CASK: variants seen among roughly 807,000 people sequenced by gnomAD.
CASK encodes the protein peripheral plasma membrane protein CASK.
CASK carries 4 observed loss-of-function variants against 82.9 expected under a neutral mutation model. The observed-to-expected ratio is 0.05, with a 90% CI of 0.02 to 0.11. The LOEUF is 0.11. Ranked by LOEUF, CASK falls within the 10% of genes least tolerant of loss-of-function variation. The pLI, the probability that CASK is intolerant of heterozygous loss-of-function variation, is 1.00. For synonymous variants in CASK, 259 were observed against 253.5 expected (o/e 1.02, Z -0.20); for missense variants, 358 against 720.9 (o/e 0.50, Z 5.76).
At chrX:41,833,766 T>G in intron 2 of CASK, among the ~76,000 whole-genome samples, 1 of 111,949 alleles carries the variant, frequency 8.9e-6, no homozygotes, top group African/African-American at 3.2e-5. Flanking sequence ...TGCTTTTTTT[T>G]GAGGCAGGAT....
intron 8 of CASK, among the ~76,000 whole-genome samples, chrX:41,650,539 GT>G (rs1250304783): frequency 2.3e-4 from 23 of 99,393 alleles, no homozygotes; most frequent in Middle Eastern, 5.0e-3. Context: ...CATCTTATTT[GT>G]TTTTTTTTTT....
At chrX:41,894,988 A>G (rs964345759) in intron 1 of CASK, among the ~76,000 whole-genome samples, 1 of 111,785 alleles carries the variant, frequency 8.9e-6, no homozygotes, top group Admixed American at 9.5e-5. Flanking sequence ...GAAATGGTAT[A>G]TCCCACTTCT....
At chrX:41,891,640 T>C (rs1215686060) in intron 1 of CASK, among the ~76,000 whole-genome samples, 1 of 111,575 alleles carries the variant, frequency 9.0e-6, no homozygotes, top group Non-Finnish European at 1.9e-5. Context: ...TATCCAATCA[T>C]ATCGAACAAA....
chrX:41,534,392 AACACACACACAC>A (rs56349527), intron 24 of CASK, among the ~76,000 whole-genome samples: 135 of 91,224 alleles, frequency 1.5e-3, no homozygotes, highest in African/African-American at 4.8e-3. Context: ...TTTTATTTAA[AACACACACACAC>A]ACACACACAC....
Position 41,636,646 on chromosome X carries a change from C to T in CASK, c.847G>A (p.Ala283Thr), listed in dbSNP as rs1012863843. The part of the protein sequence containing the change: ...HPWLKERDRY[A>T]YKIHLPETVE... The stretch of plus-strand genomic sequence containing the variant: ...GTTTCTGGAAGATGAATCTTGTAGG[C>T]GTAACGATCCCGCTCCTATGTAAGA... The change falls in exon 9 of 27, where the codon GCC (alanine) becomes ACC (threonine). Residue 283 changes from alanine to threonine, a missense_variant. By Grantham distance (58) the Ala-to-Thr change is moderately conservative (BLOSUM62 0). This residue lies in a region of CASK where 110 missense variants were observed against 218.8 expected (regional missense o/e 0.50). Coordinates refer to ENST00000378163, the MANE Select transcript of CASK (RefSeq NM_001367721.1). 2.5e-6 allele frequency: 3 copies of T among 1,177,607 alleles called. No individual in the cohort carries two copies. Among genetic ancestry groups the T allele is most frequent in the Admixed American group, 2.2e-5 (1 of 45,901 alleles).
intron 3 of CASK, among the ~76,000 whole-genome samples, chrX:41,772,491 T>C (rs1309789566): frequency 9.1e-6 from 1 of 109,855 alleles, no homozygotes; most frequent in Non-Finnish European, 1.9e-5. Flanking sequence ...AAAGAAGACA[T>C]GACTACAGAA....
intron 24 of CASK, among the ~76,000 whole-genome samples, chrX:41,532,395 T>TACAGAAAAGGCTTGCCC (rs1219688524): frequency 8.9e-6 from 1 of 112,323 alleles, no homozygotes; most frequent in Non-Finnish European, 1.9e-5. Flanking sequence ...TCTGGTCCTT[T>TACAGAAAAGGCTTGCCC]ACAGAAAAGG....
chrX:41,696,791 T>TA (rs1457841609), intron 5 of CASK: 12 of 1,042,505 alleles, frequency 1.2e-5, no homozygotes, highest in African/African-American at 1.9e-5. Flanking sequence ...GTAAACATAC[T>TA]AAAATGAATT....
chrX:41,830,888 A>G (rs1475292683), intron 2 of CASK, among the ~76,000 whole-genome samples: 1 of 109,630 alleles, frequency 9.1e-6, no homozygotes, highest in Non-Finnish European at 1.9e-5. Context: ...TTTATAGCCC[A>G]GCTTTGTAGT....
At chrX:41,611,980 T>C (rs1487733589) in intron 11 of CASK, among the ~76,000 whole-genome samples, 4 of 110,022 alleles carry the variant, frequency 3.6e-5, no homozygotes, top group East Asian at 5.8e-4. Context: ...GGATTGCAGA[T>C]GGAGTCTGGT....
chrX:41,735,754 T>C (rs898527303), intron 5 of CASK, among the ~76,000 whole-genome samples: 15 of 110,696 alleles, frequency 1.4e-4, no homozygotes, highest in African/African-American at 4.6e-4. Context: ...TCCTTTTAAC[T>C]GAAGTGCTCT....
chrX:41,722,418 T>A (rs1437349665), intron 5 of CASK, among the ~76,000 whole-genome samples: 2 of 112,641 alleles, frequency 1.8e-5, no homozygotes, highest in Non-Finnish European at 3.7e-5. Flanking sequence ...CTTGAATTAG[T>A]TGCTTTGAGG....
At chrX:41,867,810 C>T (rs755827627) in intron 1 of CASK, among the ~76,000 whole-genome samples, 2 of 112,336 alleles carry the variant, frequency 1.8e-5, no homozygotes, top group South Asian at 7.3e-4. Flanking sequence ...TCAGCTGTGA[C>T]AATGATTAGC....
chrX:41,780,672 A>G (rs1253864898), intron 3 of CASK, among the ~76,000 whole-genome samples: 1 of 111,722 alleles, frequency 9.0e-6, no homozygotes, highest in Non-Finnish European at 1.9e-5. Flanking sequence ...TTTTAGAGAC[A>G]GAGTCTTGCT....
chrX:41,574,965 A>G (rs1188334799), intron 15 of CASK, among the ~76,000 whole-genome samples: 1 of 112,520 alleles, frequency 8.9e-6, no homozygotes, highest in East Asian at 2.8e-4. Context: ...AAATGTTTCC[A>G]GTCCTAAGAT....
At chrX:41,832,942 C>A (rs1028568006) in intron 2 of CASK, among the ~76,000 whole-genome samples, 1 of 111,243 alleles carries the variant, frequency 9.0e-6, no homozygotes, top group African/African-American at 3.3e-5. Flanking sequence ...GCAAAAAACA[C>A]AAAAATGTGA....
chrX:41,881,984 G>A (rs924136346), intron 1 of CASK, among the ~76,000 whole-genome samples: 4 of 111,154 alleles, frequency 3.6e-5, no homozygotes, highest in Non-Finnish European at 5.7e-5. Flanking sequence ...TCCATAAAGC[G>A]AAGATAACAC....
intron 3 of CASK, among the ~76,000 whole-genome samples, chrX:41,760,857 C>CT (rs1281886015): frequency 1.8e-5 from 2 of 111,363 alleles, no homozygotes; most frequent in Non-Finnish European, 3.8e-5. Flanking sequence ...TTTAAACACA[C>CT]TTTTTTTTAA....
intron 2 of CASK, among the ~76,000 whole-genome samples, chrX:41,828,363 T>G (rs1426873926): frequency 9.0e-6 from 1 of 111,711 alleles, no homozygotes; most frequent in East Asian, 2.8e-4. Context: ...AGGATCATAC[T>G]AAAAAGACAA....
Sources: gnomAD v4.1 joint callset for allele counts (sites outside exome capture counted in the v4.1 genomes callset) on GRCh38, gnomAD v4.1.1 for gene constraint, gnomAD v4.1.1 regional missense constraint, MANE v1.5 for transcripts, NCBI Gene and HGNC (gene_info 2026-07-23, HGNC 2026-07-21) for gene names.